The following GALK2 variants were observed in gnomAD, a reference collection of about 807,000 sequenced individuals.
The protein encoded by GALK2 is galactokinase 2, also known as N-acetylgalactosamine kinase.
A neutral mutation model predicts 52.4 loss-of-function variants in GALK2; 36 were observed. That is an observed-to-expected ratio of 0.69 (90% CI 0.53 to 0.91). The LOEUF (loss-of-function observed/expected upper bound fraction) is 0.91. Among genes scored for constraint, GALK2 ranks in the 40% least tolerant of loss-of-function variants. GALK2 has a pLI of 0.00. For synonymous variants in GALK2, 176 were observed against 199.1 expected (o/e 0.88, Z 0.98); for missense variants, 579 against 559.1 (o/e 1.04, Z -0.36).
chr15:49,340,502 G>A (rs996406096), intron 3 of GALK2, among the ~76,000 whole-genome samples: 2 of 150,206 alleles, frequency 1.3e-5, no homozygotes, highest in Non-Finnish European at 3.0e-5. Flanking sequence ...AGTTGGAAAT[G>A]CAGAAGTCAC....
intron 3 of GALK2, among the ~76,000 whole-genome samples, chr15:49,224,526 G>A (rs2090014692): frequency 6.6e-6 from 1 of 152,170 alleles, no homozygotes; most frequent in African/African-American, 2.4e-5. Flanking sequence ...TAGGGGTCCA[G>A]TTTCATTCTA....
At position 49,292,552 on chromosome 15, in the gene GALK2, G is replaced by A. The variant is rs762491537; in HGVS notation, c.967+15G>A. ...CACTCAAGATGGTGAGTTGGCTGGA[G>A]AAAGTATGATATATGTTATTCCCTC... On this transcript the variant is annotated intron_variant, in intron 8 of 9. Coordinates refer to ENST00000560031, the MANE Select transcript of GALK2 (RefSeq NM_002044.4). 12 of 1,603,168 alleles carry A rather than the reference G, an allele frequency of 7.5e-6. No individual in the cohort carries two copies. The highest frequency in any genetic ancestry group is 1.3e-5 in the African/African-American group (1 of 74,696).
intron 1 of GALK2, among the ~76,000 whole-genome samples, chr15:49,187,281 C>G (rs12901353): frequency 2.0e-5 from 3 of 152,028 alleles, no homozygotes; most frequent in African/African-American, 7.2e-5. Context: ...CCATCATTTT[C>G]CCCCAAAGAG....
intron 1 of GALK2, among the ~76,000 whole-genome samples, chr15:49,190,879 C>T (rs1014974497): frequency 1.4e-4 from 22 of 152,118 alleles, no homozygotes; most frequent in Non-Finnish European, 2.9e-4. Flanking sequence ...TTTGTTCTGA[C>T]CATGAGGCAT....
At chr15:49,358,839 A>T (rs1361327307) in intron 3 of GALK2, among the ~76,000 whole-genome samples, 1 of 151,912 alleles carries the variant, frequency 6.6e-6, no homozygotes, top group Non-Finnish European at 1.5e-5. Context: ...TTCAAACTAT[A>T]CTACAAGGCT....
chr15:49,245,738 T>A (rs1317120081), intron 5 of GALK2, among the ~76,000 whole-genome samples: 2 of 152,130 alleles, frequency 1.3e-5, no homozygotes, highest in African/African-American at 4.8e-5. Flanking sequence ...CCTATTTTTT[T>A]AAAATAGGAA....
intron 3 of GALK2, among the ~76,000 whole-genome samples, chr15:49,336,883 G>A (rs1474969282): frequency 2.0e-5 from 3 of 152,114 alleles, no homozygotes; most frequent in Admixed American, 6.5e-5. Flanking sequence ...ACAGTATGCA[G>A]TGTCTATTGT....
In GALK2 at chr15:49,239,406, C is replaced by G. The variant is rs200250817; in HGVS notation, c.504+39C>G. On this transcript the variant is annotated intron_variant, in intron 5 of 9. Coordinates refer to ENST00000560031, the MANE Select transcript of GALK2 (RefSeq NM_002044.4). ...ATAGGAAACCTCATAGAACCCTCTC[C>G]TAATAATCATTAGCATCCAAATCTC... 18 of 1,581,940 alleles carry G rather than the reference C, an allele frequency of 1.1e-5. No individual in the cohort carries two copies. The African/African-American group carries it at 2.3e-4, about 20-fold the overall frequency.
chr15:49,356,902 A>G (rs910998294), intron 3 of GALK2, among the ~76,000 whole-genome samples: 1 of 142,514 alleles, frequency 7.0e-6, no homozygotes, highest in South Asian at 2.4e-4. Flanking sequence ...CCACAGTGCA[A>G]TCAAACTAGA....
intron 8 of GALK2, among the ~76,000 whole-genome samples, chr15:49,314,485 C>T (rs1476351703): frequency 6.6e-6 from 1 of 152,188 alleles, no homozygotes; most frequent in Non-Finnish European, 1.5e-5. Flanking sequence ...AATAGTATGT[C>T]TCCTTTATAT....
chr15:49,183,001 T>G (rs1295342672), intron 1 of GALK2, among the ~76,000 whole-genome samples: 1 of 152,226 alleles, frequency 6.6e-6, no homozygotes, highest in African/African-American at 2.4e-5. Flanking sequence ...TGATCTGATT[T>G]GTCCATTTTT....
intron 1 of GALK2, among the ~76,000 whole-genome samples, chr15:49,199,438 G>A (rs1200696150): frequency 6.6e-6 from 1 of 152,168 alleles, no homozygotes; most frequent in East Asian, 1.9e-4. Context: ...TCCAGTAGAT[G>A]TATTTTGAGT....
chr15:49,192,507 A>ATATATG (rs2086837589), intron 1 of GALK2, among the ~76,000 whole-genome samples: 1 of 138,264 alleles, frequency 7.2e-6, no homozygotes, highest in African/African-American at 2.7e-5. Flanking sequence ...ATATATATAT[A>ATATATG]TATATATATA....
intron 3 of GALK2, among the ~76,000 whole-genome samples, chr15:49,348,910 C>G (rs1004630140): frequency 6.6e-6 from 1 of 152,134 alleles, no homozygotes; most frequent in African/African-American, 2.4e-5. Context: ...CTAAATTGAA[C>G]AAACCAACCT....
intron 5 of GALK2, among the ~76,000 whole-genome samples, chr15:49,253,793 G>A (rs1356231099): frequency 7.0e-6 from 1 of 143,628 alleles, no homozygotes; most frequent in Non-Finnish European, 1.6e-5. Context: ...CACTTTTATA[G>A]TATATTAACA....
intron 3 of GALK2, among the ~76,000 whole-genome samples, chr15:49,232,372 GA>G (rs1430642708): frequency 6.6e-6 from 1 of 152,226 alleles, no homozygotes; most frequent in Non-Finnish European, 1.5e-5. Context: ...CCCTGTTCAT[GA>G]AACCATTCTT....
At chr15:49,224,521 G>T (rs1347588376) in intron 3 of GALK2, among the ~76,000 whole-genome samples, 1 of 152,110 alleles carries the variant, frequency 6.6e-6, no homozygotes, top group East Asian at 1.9e-4. Context: ...AAAGATAGGG[G>T]TCCAGTTTCA....
At chr15:49,161,276 CTGGAAAT>C (rs1435804184) in intron 1 of GALK2, among the ~76,000 whole-genome samples, 1 of 152,180 alleles carries the variant, frequency 6.6e-6, no homozygotes, top group Non-Finnish European at 1.5e-5. Context: ...TAAGTCTAGT[CTGGAAAT>C]TTACTAACAG....
At chr15:49,177,374 A>G (rs1595889201) in intron 1 of GALK2, among the ~76,000 whole-genome samples, 3 of 152,270 alleles carry the variant, frequency 2.0e-5, no homozygotes, top group East Asian at 1.9e-4. Context: ...ACACTGCCAG[A>G]TAACTCCCTA....
Sources: gnomAD v4.1 joint callset for allele counts (sites outside exome capture counted in the v4.1 genomes callset) on GRCh38, gnomAD v4.1.1 for gene constraint, MANE v1.5 for transcripts, NCBI Gene and HGNC (gene_info 2026-07-23, HGNC 2026-07-21) for gene names.